Variants in SH3BP2 observed in about 807,000 individuals in gnomAD.
SH3BP2 encodes the protein SH3 domain-binding protein 2.
In SH3BP2, 38 loss-of-function variants were observed where a neutral mutation model predicts 56.2. The observed-to-expected ratio is 0.68, with a 90% CI of 0.52 to 0.89. The LOEUF (loss-of-function observed/expected upper bound fraction) is 0.89, where lower values mean the gene tolerates loss of function less well. SH3BP2 is among the 40% of genes least tolerant of loss of function. The pLI, the probability that SH3BP2 is intolerant of heterozygous loss-of-function variation, is 0.00. For missense variants in SH3BP2, 748 were observed against 762.6 expected, an observed-to-expected ratio of 0.98 and a Z score of 0.23; for synonymous variants, 346 against 316.7, an observed-to-expected ratio of 1.09 and a Z score of -0.98.
At chr4:2,798,194 C>T (rs1036241017) in intron 1 of SH3BP2, among the ~76,000 whole-genome samples, 1 of 152,162 alleles carries the variant, frequency 6.6e-6, no homozygotes, top group Non-Finnish European at 1.5e-5. Context: ...GAGGAAGAGC[C>T]GCCGAGCGGA....
chr4:2,801,399 T>G (rs1215669986), intron 1 of SH3BP2, among the ~76,000 whole-genome samples: 4 of 152,208 alleles, frequency 2.6e-5, no homozygotes, highest in Admixed American at 6.5e-5. Flanking sequence ...CAGCTCTCGG[T>G]TCCCCAACCC....
chr4:2,807,154 C>T (rs143800940), intron 1 of SH3BP2, among the ~76,000 whole-genome samples: 361 of 152,338 alleles, frequency 2.4e-3, no homozygotes, highest in Middle Eastern at 0.01. Context: ...GCCTCACGTG[C>T]GTGCCCAGGG....
At chr4:2,796,345 C>G in intron 1 of SH3BP2, 3 of 910,664 alleles carry the variant, frequency 3.3e-6, no homozygotes, top group Non-Finnish European at 3.9e-6. Flanking sequence ...AGAAAGGTGC[C>G]CTCCCCCAAC....
At chr4:2,818,350 ATCGCCCCGGGGAAGCCGGC>A in intron 1 of SH3BP2, 1 of 1,177,646 alleles carries the variant, frequency 8.5e-7, no homozygotes, top group East Asian at 3.7e-5. Context: ...GCGGGCGTGG[ATCGCCCCGGGGAAGCCGGC>A]CATGCCCGCC....
chr4:2,812,570 C>G, intron 1 of SH3BP2: 1 of 1,448,854 alleles, frequency 6.9e-7, no homozygotes, highest in East Asian at 2.5e-5. Context: ...GGAGCCACAG[C>G]CTTCCTCGGG....
intron 1 of SH3BP2, among the ~76,000 whole-genome samples, chr4:2,820,223 C>G (rs1404040374): frequency 6.6e-6 from 1 of 152,210 alleles, no homozygotes; most frequent in African/African-American, 2.4e-5. Context: ...GGCACTGGGA[C>G]TTGAAGTAGT....
At chr4:2,814,489 T>C (rs1001215154) in intron 1 of SH3BP2, among the ~76,000 whole-genome samples, 1 of 148,600 alleles carries the variant, frequency 6.7e-6, no homozygotes, top group Non-Finnish European at 1.5e-5. Flanking sequence ...TCTTCCCTAA[T>C]GTGCATGTGC....
In SH3BP2 at chr4:2,810,464, C is replaced by T. The variant is rs1308225150; in HGVS notation, c.-4-10150C>T. 2.0e-5 allele frequency among the ~76,000 whole-genome samples: 3 copies of T among 151,808 alleles called. No individual in the cohort carries two copies. Among genetic ancestry groups the T allele is most frequent in the African/African-American group, 7.3e-5 (3 of 41,316 alleles). ...GCAAGGGCAGGGGCGAGCCTGGCTC[C>T]TGCTTCCAGCTCAGGCCTTGTCCGC... is the stretch of plus-strand genomic sequence containing the variant. On this transcript the variant is annotated intron_variant, in intron 1 of 12. Coordinates refer to ENST00000503393, the MANE Select transcript of SH3BP2 (RefSeq NM_001122681.2). The surrounding 1 kb of genome is among the most constrained non-coding windows in gnomAD (Gnocchi z 4.2).
At chr4:2,816,647 A>T (rs1724014530) in intron 1 of SH3BP2, among the ~76,000 whole-genome samples, 1 of 152,232 alleles carries the variant, frequency 6.6e-6, no homozygotes. Context: ...TCTTCTTATC[A>T]TGGAGGAGTG....
chr4:2,828,862 G>A (rs1466731465), intron 7 of SH3BP2, among the ~76,000 whole-genome samples: 1 of 152,066 alleles, frequency 6.6e-6, no homozygotes, highest in Non-Finnish European at 1.5e-5. Context: ...TCCTCCAGGC[G>A]CCCCGTGCTC....
In SH3BP2 at chr4:2,834,005, G is replaced by A; in HGVS notation, c.*171G>A. The A allele has an allele frequency of 1.3e-6, 1 of 797,682 alleles. No individual in the cohort carries two copies. Among genetic ancestry groups the A allele is most frequent in the East Asian group, 2.7e-5 (1 of 37,012 alleles). The allele number at this position is 797,682 out of a possible 1,614,324, so 49.4% of individuals were successfully genotyped here. A position where few individuals can be genotyped will look rare whatever the true frequency, so the allele number is the denominator to read the frequency against. On this transcript the variant is annotated 3_prime_UTR_variant, in exon 13 of 13. Coordinates refer to ENST00000503393, the MANE Select transcript of SH3BP2 (RefSeq NM_001122681.2). ...CAGCCAGTCTCATCCAGCAGGTTGG[G>A]TTCTAGGGCTGAACCAGGCGCCAGG...
At chr4:2,818,721 G>A (rs1724136532) in intron 1 of SH3BP2, 1 of 993,090 alleles carries the variant, frequency 1.0e-6, no homozygotes, top group Non-Finnish European at 1.2e-6. Context: ...CCAAACCTTG[G>A]CCTGTGGTTG....
intron 12 of SH3BP2, chr4:2,833,437 C>CCTAG: frequency 3.4e-6 from 2 of 596,974 alleles, no homozygotes; most frequent in South Asian, 3.9e-5. Flanking sequence ...CCGTGCCTGG[C>CCTAG]CTAGGTTCAT....
intron 7 of SH3BP2, among the ~76,000 whole-genome samples, chr4:2,828,607 A>G (rs1277865224): frequency 6.6e-6 from 1 of 152,196 alleles, no homozygotes; most frequent in Non-Finnish European, 1.5e-5. Context: ...TGGCTGGCCA[A>G]GCCTTGGTGA....
Position 2,820,752 on chromosome 4 carries a change from A to T in SH3BP2, c.135A>T (p.Lys45Asn). 6.2e-7 allele frequency: 1 copy of T among 1,613,236 alleles called. No individual in the cohort carries two copies. Among genetic ancestry groups the T allele is most frequent in the Non-Finnish European group, 8.5e-7 (1 of 1,179,476 alleles). ...GCGGTACCCAGCTGCAGCTGCTGAAATGTGAGTCCCTGGGGTGGTAGGGTG... is the reference window on the plus strand; with the variant it reads ...GCGGTACCCAGCTGCAGCTGCTGAATTGTGAGTCCCTGGGGTGGTAGGGTG... ...KKGGTQLQLL[K>N]WPLRFVIIHK... The change falls in exon 2 of 13, where the codon AAA becomes AAT. Residue 45 changes from lysine (K) to asparagine (N), a missense_variant and splice_region_variant. By Grantham distance (94) the Lys-to-Asn change is moderately conservative. This residue lies in a region of SH3BP2 where 104 missense variants were observed against 123.1 expected (regional missense o/e 0.84). Coordinates refer to ENST00000503393, the MANE Select transcript of SH3BP2 (RefSeq NM_001122681.2).
intron 1 of SH3BP2, chr4:2,798,628 C>T (rs1021406795): frequency 5.2e-5 from 8 of 152,560 alleles, no homozygotes; most frequent in African/African-American, 1.9e-4. Context: ...CCGAGGCGGT[C>T]CGCTGATGGC....
intron 2 of SH3BP2, among the ~76,000 whole-genome samples, chr4:2,822,241 G>C (rs531161469): frequency 6.6e-6 from 1 of 152,010 alleles, no homozygotes; most frequent in Non-Finnish European, 1.5e-5. Flanking sequence ...CTGCAGCCTC[G>C]ACCTCCTGGG....
At chr4:2,828,088 C>T (rs1376937820) in intron 7 of SH3BP2, among the ~76,000 whole-genome samples, 2 of 152,128 alleles carry the variant, frequency 1.3e-5, no homozygotes, top group Admixed American at 6.5e-5. Flanking sequence ...CACCTACCTC[C>T]TGCAGCACAT....
intron 4 of SH3BP2, 68 bp downstream of exon 4, chr4:2,824,798 C>A: frequency 8.1e-7 from 1 of 1,239,632 alleles, no homozygotes; most frequent in Non-Finnish European, 1.2e-6. Context: ...CAGGCTGGAC[C>A]TGCCTTGGGG....
Sources: gnomAD v4.1 joint callset for allele counts (sites outside exome capture counted in the v4.1 genomes callset) on GRCh38, gnomAD v4.1.1 for gene constraint, gnomAD v4.1.1 regional missense constraint, Gnocchi (gnomAD v3.1) non-coding constraint, MANE v1.5 for transcripts, NCBI Gene and HGNC (gene_info 2026-07-23, HGNC 2026-07-21) for gene names.